Variants in DSCAM observed in about 807,000 individuals in gnomAD.
DSCAM encodes the protein DS cell adhesion molecule.
In DSCAM, 47 loss-of-function variants were observed where a neutral mutation model predicts 217.7. That is an observed-to-expected ratio of 0.22 (90% CI 0.17 to 0.28). The LOEUF is 0.28. Ranked by LOEUF, DSCAM falls within the 10% of genes least tolerant of loss-of-function variation. The probability of loss-of-function intolerance (pLI) is 1.00; values close to 1 mark genes in which losing one functional copy is unlikely to be tolerated. For missense variants in DSCAM, 2,080 were observed against 2,618.3 expected (o/e 0.79, Z 4.49); for synonymous variants, 1,056 against 1,015.3 (o/e 1.04, Z -0.76).
intron 15 of DSCAM, among the ~76,000 whole-genome samples, chr21:40,173,036 AC>A (rs2090676344): frequency 6.6e-6 from 1 of 152,170 alleles, no homozygotes; most frequent in Non-Finnish European, 1.5e-5. Flanking sequence ...GATTTATTTA[AC>A]CTACTTATTT....
At chr21:40,334,072 T>C (rs1184358151) in intron 8 of DSCAM, among the ~76,000 whole-genome samples, 1 of 152,146 alleles carries the variant, frequency 6.6e-6, no homozygotes, top group Non-Finnish European at 1.5e-5. Context: ...AGGGTTCTAA[T>C]GTGAGCCTGA....
At chr21:40,498,789 A>G (rs1328934487) in intron 3 of DSCAM, among the ~76,000 whole-genome samples, 4 of 34,078 alleles carry the variant, frequency 1.2e-4, no homozygotes, top group African/African-American at 3.5e-4. Flanking sequence ...GTGTATATAT[A>G]TATATATATA....
chr21:40,545,930 C>T (rs937918373), intron 3 of DSCAM, among the ~76,000 whole-genome samples: 4 of 152,204 alleles, frequency 2.6e-5, no homozygotes, highest in African/African-American at 9.7e-5. Context: ...GCTTTCTCTA[C>T]CAGTGGGAAA....
chr21:40,696,161 G>A (rs1243128393), intron 2 of DSCAM, among the ~76,000 whole-genome samples: 1 of 152,088 alleles, frequency 6.6e-6, no homozygotes, highest in African/African-American at 2.4e-5. Flanking sequence ...TACTGTGCTT[G>A]GTGTCATAAG....
chr21:40,812,126 G>A (rs2123548015), intron 1 of DSCAM, among the ~76,000 whole-genome samples: 1 of 152,282 alleles, frequency 6.6e-6, no homozygotes, highest in South Asian at 2.1e-4. Context: ...TAGATGTGAG[G>A]AAACAGGTAA....
chr21:40,028,398 C>CTTTG (rs2088433963), intron 32 of DSCAM, among the ~76,000 whole-genome samples: 1 of 149,118 alleles, frequency 6.7e-6, no homozygotes, highest in Admixed American at 6.7e-5. Flanking sequence ...TTCCAGGCTG[C>CTTTG]TTTGTTTACC....
intron 1 of DSCAM, among the ~76,000 whole-genome samples, chr21:40,718,875 C>T (rs139718650): frequency 7.9e-5 from 12 of 152,252 alleles, no homozygotes; most frequent in Non-Finnish European, 1.3e-4. Context: ...CCTGTAATCC[C>T]AGCACTTTTG....
At chr21:40,425,124 G>A (rs1310648968) in intron 3 of DSCAM, among the ~76,000 whole-genome samples, 2 of 152,074 alleles carry the variant, frequency 1.3e-5, no homozygotes, top group African/African-American at 4.8e-5. Context: ...CACAACAGAA[G>A]TTTAATCTCT....
intron 3 of DSCAM, among the ~76,000 whole-genome samples, chr21:40,675,172 G>A (rs116475508): frequency 0.011 from 1,612 of 152,210 alleles, 23 homozygotes; most frequent in African/African-American, 0.036. Context: ...ACATGTGTTC[G>A]GTTACTGTTG....
chr21:40,127,937 TTGGGATGCCTCTGTC>T (rs2090113078), intron 19 of DSCAM, among the ~76,000 whole-genome samples: 1 of 152,058 alleles, frequency 6.6e-6, no homozygotes, highest in African/African-American at 2.4e-5. Context: ...ATCCAGGGCC[TTGGGATGCCTCTGTC>T]TGGAGTTTTT....
intron 11 of DSCAM, among the ~76,000 whole-genome samples, chr21:40,260,485 C>T (rs1355877824): frequency 6.6e-6 from 1 of 152,208 alleles, no homozygotes; most frequent in Non-Finnish European, 1.5e-5. Context: ...GCATCAGTGA[C>T]TCTGCTCCGT....
chr21:40,764,566 G>A (rs1172388765), intron 1 of DSCAM, among the ~76,000 whole-genome samples: 2 of 152,174 alleles, frequency 1.3e-5, no homozygotes, highest in Non-Finnish European at 2.9e-5. Context: ...TCTAGAACCA[G>A]AAACACCATT....
chr21:40,810,925 T>C (rs571175195), intron 1 of DSCAM, among the ~76,000 whole-genome samples: 2 of 141,248 alleles, frequency 1.4e-5, no homozygotes, highest in Non-Finnish European at 3.0e-5. Context: ...GCTATAGTTA[T>C]AAAAATAATT....
At chr21:40,678,527 C>T (rs144864246) in intron 3 of DSCAM, among the ~76,000 whole-genome samples, 138 of 152,154 alleles carry the variant, frequency 9.1e-4, no homozygotes, top group Middle Eastern at 3.4e-3. Context: ...CTCATATGGG[C>T]GCGTGTGGGT....
chr21:40,176,855 C>T (rs1412398305), intron 15 of DSCAM, among the ~76,000 whole-genome samples: 2 of 152,250 alleles, frequency 1.3e-5, no homozygotes, highest in African/African-American at 2.4e-5. Flanking sequence ...AGAGGCTCTT[C>T]ACCTGGCCTT....
intron 16 of DSCAM, among the ~76,000 whole-genome samples, chr21:40,152,128 C>A (rs113294433): frequency 0.089 from 9,889 of 111,426 alleles, 570 homozygotes; most frequent in African/African-American, 0.16. Flanking sequence ...AAAAAAAAAA[C>A]ACAAAAAAAA....
chr21:40,826,545 A>G lies in DSCAM; in HGVS notation c.43+20074T>C, dbSNP rs191617437. Among the ~76,000 whole-genome samples the G allele has an allele frequency of 2.8e-3, 425 of 152,372 alleles. 3 individuals are homozygous for G. Among genetic ancestry groups the G allele is most frequent in the African/African-American group, 9.6e-3 (398 of 41,584 alleles). ...TTCAGCTGTGAGTTGGCAGATTATC[A>G]TGATAGTCCAGGCAAAAAGGAGAAC... is the stretch of plus-strand genomic sequence containing the variant. On this transcript the variant is annotated intron_variant, in intron 1 of 32. Coordinates refer to ENST00000400454, the MANE Select transcript of DSCAM (RefSeq NM_001389.5).
At chr21:40,104,967 T>C (rs2089800033) in intron 20 of DSCAM, among the ~76,000 whole-genome samples, 1 of 152,178 alleles carries the variant, frequency 6.6e-6, no homozygotes, top group Non-Finnish European at 1.5e-5. Flanking sequence ...AGCTACCTAG[T>C]CTGAATGAAT....
Position 40,042,878 on chromosome 21 carries a change from G to C in DSCAM, c.5384-205C>G, listed in dbSNP as rs141350378. On this transcript the variant is annotated intron_variant, in intron 31 of 32. Coordinates refer to ENST00000400454, the MANE Select transcript of DSCAM (RefSeq NM_001389.5). ...AGCAGATCCGGTTAAGGGAAGCTTT[G>C]TTGCAACCAAATTGCTGTAGTCAGA... is the stretch of plus-strand genomic sequence containing the variant. 2.0e-4 allele frequency among the ~76,000 whole-genome samples: 31 copies of C among 152,312 alleles called. No individual in the cohort carries two copies. In the East Asian group the frequency reaches 5.4e-3, roughly 27 times the overall value.
Sources: gnomAD v4.1 joint callset for allele counts (sites outside exome capture counted in the v4.1 genomes callset) on GRCh38, gnomAD v4.1.1 for gene constraint, MANE v1.5 for transcripts, NCBI Gene and HGNC (gene_info 2026-07-23, HGNC 2026-07-21) for gene names.